Variants in HIVEP3 observed in about 807,000 individuals in gnomAD.
The protein encoded by HIVEP3 is HIVEP zinc finger 3.
Under a neutral mutation model 152.8 loss-of-function variants are expected in HIVEP3, and 49 were observed. The ratio of observed to expected loss-of-function variants is 0.32; its 90% confidence interval spans 0.26 to 0.41. The LOEUF (loss-of-function observed/expected upper bound fraction) is 0.41, where lower values mean the gene tolerates loss of function less well. HIVEP3 is among the 10% of genes least tolerant of loss of function. The pLI, the probability that HIVEP3 is intolerant of heterozygous loss-of-function variation, is 1.00. For synonymous variants in HIVEP3, 1,269 were observed against 1,289.0 expected, an observed-to-expected ratio of 0.98 and a Z score of 0.33; for missense variants, 2,790 against 3,103.3, an observed-to-expected ratio of 0.90 and a Z score of 2.40.
intron 1 of HIVEP3, among the ~76,000 whole-genome samples, chr1:41,936,590 A>G (rs1207670840): frequency 1.3e-5 from 2 of 152,214 alleles, no homozygotes; most frequent in South Asian, 4.1e-4. Context: ...ATGTTAAAAC[A>G]TTTTGATGCT....
rs1295700157 is a variant in HIVEP3, at chr1:41,533,045, G to A, written c.5208-8135C>T. Among the ~76,000 whole-genome samples, 1 of 152,180 alleles carries A rather than the reference G, an allele frequency of 6.6e-6. No homozygotes were observed. Among genetic ancestry groups the A allele is most frequent in the East Asian group, 1.9e-4 (1 of 5,184 alleles). On this transcript the variant is annotated intron_variant, in intron 5 of 8. Transcript: ENST00000372583. This position sits in a 1 kb window ranked among gnomAD's most constrained non-coding sequence, Gnocchi z 4.3. The stretch of plus-strand genomic sequence containing the variant: ...AGGGTTTAGAGGAGGAGGGGCCCAT[G>A]GCTGGACATCCCAGAGAGCTTGAGG...
At chr1:41,561,679 ATT>A (rs56969476) in intron 5 of HIVEP3, among the ~76,000 whole-genome samples, 3,306 of 127,046 alleles carry the variant, frequency 0.026, 126 homozygotes, top group African/African-American at 0.089. Flanking sequence ...TGCCCAGCTA[ATT>A]TTTTTTTTTT....
At chr1:41,625,162 CAAAAAAAAAAAAAAA>C (rs59268661) in intron 3 of HIVEP3, among the ~76,000 whole-genome samples, 4 of 71,230 alleles carry the variant, frequency 5.6e-5, no homozygotes, top group East Asian at 5.1e-4. Flanking sequence ...GATTCCAACT[CAAAAAAAAAAAAAAA>C]AAAAAAAAAA....
At chr1:41,896,700 G>C (rs892551365) in intron 1 of HIVEP3, among the ~76,000 whole-genome samples, 1 of 151,508 alleles carries the variant, frequency 6.6e-6, no homozygotes. Context: ...TCAGCCTCCT[G>C]AGTAGCTGAG....
intron 2 of HIVEP3, among the ~76,000 whole-genome samples, chr1:41,663,651 T>C (rs992349102): frequency 1.3e-5 from 2 of 152,160 alleles, no homozygotes; most frequent in Admixed American, 1.3e-4. Context: ...CCAGCTTTAA[T>C]GGAGGGAACC....
chr1:41,583,783 G>C lies in HIVEP3; in HGVS notation c.1015C>G (p.Pro339Ala). ...SSTAQSLEDP[P>A]PFVEPSSEHP... ...TCAGATGAGGGTTCCACAAATGGAG[G>C]GGGGTCTTCGAGTGACTGGGCTGTG... The change falls in exon 4 of 9, where the codon CCT (proline) becomes GCT (alanine). Residue 339 changes from proline to alanine, a missense_variant. Pro to Ala is a conservative substitution (Grantham distance 27). Transcript: ENST00000372583. The surrounding 1 kb of genome is among the most constrained non-coding windows in gnomAD (Gnocchi z 6.9). The C allele has an allele frequency of 6.3e-7, 1 of 1,591,088 alleles. No individual in the cohort carries two copies. Among genetic ancestry groups the C allele is most frequent in the Non-Finnish European group, 8.6e-7 (1 of 1,168,076 alleles).
chr1:41,777,246 A>G (rs951665781), intron 1 of HIVEP3, among the ~76,000 whole-genome samples: 2 of 152,314 alleles, frequency 1.3e-5, no homozygotes, highest in East Asian at 1.9e-4. Flanking sequence ...GGGCTTCTCT[A>G]TGCTTCTGAT....
At chr1:41,552,259 C>T (rs921537994) in intron 5 of HIVEP3, among the ~76,000 whole-genome samples, 1 of 151,728 alleles carries the variant, frequency 6.6e-6, no homozygotes, top group Non-Finnish European at 1.5e-5. Flanking sequence ...GGTACATGTG[C>T]ACAACGTGCA....
chr1:41,581,270 G>C lies in HIVEP3; in HGVS notation c.3528C>G (p.Tyr1176Ter). 1 of 1,605,098 alleles carries C rather than the reference G, an allele frequency of 6.2e-7. No individual in the cohort carries two copies. Among genetic ancestry groups the C allele is most frequent in the Non-Finnish European group, 8.5e-7 (1 of 1,176,006 alleles). Residue 1176 changes from tyrosine (Y) to a stop codon, truncating the protein, a stop_gained, in exon 4 of 9, where the codon TAC becomes TAG. Coordinates refer to ENST00000372583, the MANE Select transcript of HIVEP3 (RefSeq NM_024503.5). LOFTEE classifies it high-confidence loss of function. The surrounding 1 kb of genome is among the most constrained non-coding windows in gnomAD (Gnocchi z 4.5). ...AGGAGGGAGGAAGTGGGGGCATGGAGTATGGTGAGGACAGGAGGCTGGACA... is the reference window on the plus strand; with the variant it reads ...AGGAGGGAGGAAGTGGGGGCATGGACTATGGTGAGGACAGGAGGCTGGACA... ...QAMSSLLSSPYSMPPLPPSLF... is the reference protein window; with the variant it reads ...QAMSSLLSSP
chr1:41,828,338 G>T (rs547067265), intron 1 of HIVEP3, among the ~76,000 whole-genome samples: 1 of 152,332 alleles, frequency 6.6e-6, no homozygotes, highest in Non-Finnish European at 1.5e-5. Context: ...CTTCCTCAGA[G>T]CCAAGTTCTA....
chr1:41,562,634 C>CCCTCT (rs1644094256), intron 5 of HIVEP3, among the ~76,000 whole-genome samples: 3 of 88,792 alleles, frequency 3.4e-5, no homozygotes, highest in East Asian at 3.6e-4. Context: ...TCTCTCTCTC[C>CCCTCT]CTCTCTCTCT....
intron 3 of HIVEP3, among the ~76,000 whole-genome samples, chr1:41,604,443 A>C (rs1416203497): frequency 6.6e-6 from 1 of 152,240 alleles, no homozygotes; most frequent in Non-Finnish European, 1.5e-5. Flanking sequence ...CCGTGTGATG[A>C]TGTGAATGTG....
intron 1 of HIVEP3, among the ~76,000 whole-genome samples, chr1:41,825,500 A>C (rs1355748824): frequency 6.6e-6 from 1 of 151,868 alleles, no homozygotes; most frequent in Non-Finnish European, 1.5e-5. Flanking sequence ...CGAACCCCTG[A>C]TCTCAGGTGA....
At chr1:41,691,131 C>CT (rs1293045638) in intron 2 of HIVEP3, among the ~76,000 whole-genome samples, 2 of 152,152 alleles carry the variant, frequency 1.3e-5, no homozygotes, top group Admixed American at 1.3e-4. Context: ...ATGTCAAGGG[C>CT]TTAGAAGTCT....
chr1:41,519,219 C>A (rs1415274660), intron 6 of HIVEP3, among the ~76,000 whole-genome samples: 3 of 152,194 alleles, frequency 2.0e-5, no homozygotes, highest in African/African-American at 4.8e-5. Flanking sequence ...TCAGGGAAGG[C>A]CTGGGCAAGG....
chr1:41,611,008 T>C (rs1441581453), intron 3 of HIVEP3, among the ~76,000 whole-genome samples: 1 of 152,016 alleles, frequency 6.6e-6, no homozygotes, highest in Non-Finnish European at 1.5e-5. Flanking sequence ...ACAGGCTTTC[T>C]TCCATTCAAC....
At chr1:41,972,746 G>A (rs937873753) in intron 1 of HIVEP3, among the ~76,000 whole-genome samples, 4 of 152,150 alleles carry the variant, frequency 2.6e-5, no homozygotes, top group African/African-American at 9.7e-5. Flanking sequence ...AAGCATTCTG[G>A]TTCTTGACAT....
At chr1:41,894,194 T>A (rs1156719088) in intron 1 of HIVEP3, among the ~76,000 whole-genome samples, 1 of 152,166 alleles carries the variant, frequency 6.6e-6, no homozygotes, top group Non-Finnish European at 1.5e-5. Flanking sequence ...TCATACATAT[T>A]AACTCATTTA....
At chr1:41,850,934 C>T (rs929454737) in intron 1 of HIVEP3, among the ~76,000 whole-genome samples, 1 of 152,156 alleles carries the variant, frequency 6.6e-6, no homozygotes, top group Admixed American at 6.5e-5. Flanking sequence ...AAAACTGCTG[C>T]CCCAGTTTTC....
Sources: gnomAD v4.1 joint callset for allele counts (sites outside exome capture counted in the v4.1 genomes callset) on GRCh38, gnomAD v4.1.1 for gene constraint, Gnocchi (gnomAD v3.1) non-coding constraint, MANE v1.5 for transcripts, NCBI Gene and HGNC (gene_info 2026-07-23, HGNC 2026-07-21) for gene names.